Variants in CMIP observed in about 807,000 individuals in gnomAD.
CMIP encodes the protein C-Maf-inducing protein.
Under a neutral mutation model 97.3 loss-of-function variants are expected in CMIP, and 13 were observed. That is an observed-to-expected ratio of 0.13 (90% CI 0.09 to 0.21). The LOEUF is 0.21. Among genes scored for constraint, CMIP ranks in the 10% least tolerant of loss-of-function variants. The pLI is 1.00. For synonymous variants in CMIP, 538 were observed against 436.3 expected, an observed-to-expected ratio of 1.23 and a Z score of -2.91; for missense variants, 847 against 1,024.9, an observed-to-expected ratio of 0.83 and a Z score of 2.37.
chr16:81,502,599 A>G (rs918853543), intron 1 of CMIP, among the ~76,000 whole-genome samples: 56 of 152,190 alleles, frequency 3.7e-4, no homozygotes, highest in African/African-American at 1.3e-3. Context: ...GATGGGGAGG[A>G]CTCAGACAAA....
At chr16:81,480,917 TG>T (rs1908222146) in intron 1 of CMIP, among the ~76,000 whole-genome samples, 1 of 152,128 alleles carries the variant, frequency 6.6e-6, no homozygotes, top group Admixed American at 6.5e-5. Context: ...CTGTGTGTGA[TG>T]TCAGGGTGGG....
chr16:81,592,092 G>A (rs145205968), intron 1 of CMIP, among the ~76,000 whole-genome samples: 13 of 152,184 alleles, frequency 8.5e-5, no homozygotes, highest in East Asian at 7.7e-4. Context: ...CCAAAGTGCC[G>A]GGATTACAGG....
chr16:81,509,483 C>T (rs574983197), intron 1 of CMIP, among the ~76,000 whole-genome samples: 1 of 152,330 alleles, frequency 6.6e-6, no homozygotes, highest in African/African-American at 2.4e-5. Context: ...TCTGGCACCT[C>T]TCTGAGCTTC....
intron 1 of CMIP, among the ~76,000 whole-genome samples, chr16:81,582,949 G>A (rs2091320762): frequency 1.3e-5 from 2 of 152,216 alleles, no homozygotes; most frequent in African/African-American, 4.8e-5. Flanking sequence ...CCTGACGGTG[G>A]CAGTGTGGGG....
At position 81,705,271 on chromosome 16, in the gene CMIP, G is replaced by T. The variant is rs147431718; in HGVS notation, c.2092-228G>T. On this transcript the variant is annotated intron_variant, in intron 18 of 20. Transcript: ENST00000537098. The stretch of plus-strand genomic sequence containing the variant: ...TGGAGGCAAAACTGACTCCAAGGGG[G>T]CCCTGGCCTGGCTCCACTCCCAACA... 7.4e-3 allele frequency among the ~76,000 whole-genome samples: 1,127 copies of T among 152,300 alleles called. 5 individuals carry two copies. Among genetic ancestry groups the T allele is most frequent in the African/African-American group, 0.026 (1,073 of 41,562 alleles).
chr16:81,504,640 T>TA (rs2089672221), intron 1 of CMIP, among the ~76,000 whole-genome samples: 1 of 12,134 alleles, frequency 8.2e-5, no homozygotes, highest in African/African-American at 5.7e-4. Flanking sequence ...GAGACTCGTC[T>TA]CAAAAAAAAA....
At position 81,455,525 on chromosome 16, in the gene CMIP, C is replaced by A. The variant is rs947435700; in HGVS notation, c.300+9984C>A. On this transcript the variant is annotated intron_variant, in intron 1 of 20. Transcript: ENST00000537098. ...TCCTTGTAACCCCACGGGCCTCTGG[C>A]CCTCTGCGTAAGTGCGAGTTCTACC... Among the ~76,000 whole-genome samples, 6 of 152,228 alleles carry A rather than the reference C, an allele frequency of 3.9e-5. No homozygotes were observed. The East Asian group carries it at 1.2e-3, about 29-fold the overall frequency.
chr16:81,488,810 CG>C (rs890780902), intron 1 of CMIP, among the ~76,000 whole-genome samples: 1 of 152,108 alleles, frequency 6.6e-6, no homozygotes, highest in African/African-American at 2.4e-5. Flanking sequence ...ATCTGGAAGA[CG>C]GGGAGAGAAT....
intron 10 of CMIP, among the ~76,000 whole-genome samples, chr16:81,680,955 T>C (rs1463386078): frequency 6.6e-6 from 1 of 152,210 alleles, no homozygotes; most frequent in Non-Finnish European, 1.5e-5. Context: ...ATTTTTTCCT[T>C]CTTCATAAAC....
At chr16:81,662,366 C>T (rs942504436) in intron 6 of CMIP, among the ~76,000 whole-genome samples, 2 of 152,166 alleles carry the variant, frequency 1.3e-5, no homozygotes, top group African/African-American at 4.8e-5. Flanking sequence ...CTTACCTCAG[C>T]GTTCCTAGTA....
intron 3 of CMIP, among the ~76,000 whole-genome samples, chr16:81,647,055 A>G (rs758703008): frequency 7.9e-5 from 12 of 152,242 alleles, no homozygotes; most frequent in Non-Finnish European, 1.8e-4. Context: ...TGGCTGTACC[A>G]GTTTACCTTC....
rs192331988 is a variant in CMIP, at chr16:81,641,599, A to G, written c.478-10604A>G. Among the ~76,000 whole-genome samples the G allele has an allele frequency of 3.0e-4, 46 of 152,302 alleles. No homozygotes were observed. In the East Asian group the frequency reaches 8.5e-3, roughly 28 times the overall value. On this transcript the variant is annotated intron_variant, in intron 3 of 20. Transcript: ENST00000537098. ...GGCAACCAGCCGATGCCGCAGAGAC[A>G]GTGGAGCAGGACACCCGCCTGAGTT...
At chr16:81,501,576 A>G (rs1481298923) in intron 1 of CMIP, among the ~76,000 whole-genome samples, 1 of 149,232 alleles carries the variant, frequency 6.7e-6, no homozygotes. Flanking sequence ...TGGGTGTGGC[A>G]TGGGCATTGA....
chr16:81,657,573 T>A (rs1286116435), intron 4 of CMIP, among the ~76,000 whole-genome samples: 1 of 152,148 alleles, frequency 6.6e-6, no homozygotes. Context: ...CAGTTCTCCC[T>A]GCCCCAAAAC....
chr16:81,493,236 C>T (rs552209924), intron 1 of CMIP, among the ~76,000 whole-genome samples: 1 of 152,270 alleles, frequency 6.6e-6, no homozygotes, highest in South Asian at 2.1e-4. Flanking sequence ...AGGGCCCTCC[C>T]CCAGCATCAG....
chr16:81,612,406 C>T (rs1426211469), intron 2 of CMIP, among the ~76,000 whole-genome samples: 1 of 152,160 alleles, frequency 6.6e-6, no homozygotes, highest in Non-Finnish European at 1.5e-5. Flanking sequence ...CAACTGTTTA[C>T]CCCAAACATT....
intron 19 of CMIP, among the ~76,000 whole-genome samples, chr16:81,706,501 C>T (rs1041182695): frequency 6.6e-6 from 1 of 152,230 alleles, no homozygotes; most frequent in African/African-American, 2.4e-5. Context: ...CGGGGGGGCG[C>T]GGTCCTCATC....
intron 1 of CMIP, among the ~76,000 whole-genome samples, chr16:81,537,680 A>C (rs1254174709): frequency 1.3e-5 from 2 of 151,968 alleles, no homozygotes; most frequent in African/African-American, 4.8e-5. Flanking sequence ...AGCCTGGTCC[A>C]TATAGTGAGA....
At chr16:81,518,444 A>G (rs535922309) in intron 1 of CMIP, 5 of 152,442 alleles carry the variant, frequency 3.3e-5, no homozygotes, top group African/African-American at 9.6e-5. Context: ...GAGGCTGTCT[A>G]CTGAAGTCCC....
Sources: allele counts gnomAD v4.1 joint callset (sites outside exome capture counted in the v4.1 genomes callset), GRCh38; gene constraint gnomAD v4.1.1; transcripts MANE v1.5; gene names NCBI Gene and HGNC (gene_info 2026-07-23, HGNC 2026-07-21).